The following MALRD1 variants were observed in gnomAD, a reference collection of about 807,000 sequenced individuals.
The protein encoded by MALRD1 is MAM and LDL receptor class A domain containing 1, also known as MAM and LDL-receptor class A domain-containing protein 1.
A neutral mutation model predicts 242.1 loss-of-function variants in MALRD1; 247 were observed. The ratio of observed to expected loss-of-function variants is 1.02; its 90% CI spans 0.92 to 1.13. The LOEUF (loss-of-function observed/expected upper bound fraction) is 1.13. Among genes scored for constraint, MALRD1 ranks in the 50% most tolerant of loss-of-function variants. The pLI, the probability that MALRD1 is intolerant of heterozygous loss-of-function variation, is 0.00. For synonymous variants in MALRD1, 995 were observed against 866.6 expected, an observed-to-expected ratio of 1.15 and a Z score of -2.60; for missense variants, 2,989 against 2,533.1, an observed-to-expected ratio of 1.18 and a Z score of -3.86.
At chr10:19,129,459 A>G (rs1466734719) in intron 8 of MALRD1, among the ~76,000 whole-genome samples, 1 of 152,092 alleles carries the variant, frequency 6.6e-6, no homozygotes, top group Non-Finnish European at 1.5e-5. Context: ...TGCGTTCAGC[A>G]ATCTAGAAGC....
chr10:19,177,834 T>C (rs1404157434), intron 14 of MALRD1, among the ~76,000 whole-genome samples: 2 of 152,088 alleles, frequency 1.3e-5, no homozygotes, highest in Admixed American at 1.3e-4. Context: ...CCTTGACTCC[T>C]TTGTGTAGAA....
Position 19,209,520 on chromosome 10 carries a change from G to T in MALRD1, c.2831G>T (p.Arg944Leu). The change falls in exon 18 of 40, where the codon CGC becomes CTC. Residue 944 changes from arginine (R) to leucine (L), a missense_variant. By Grantham distance (102) the Arg-to-Leu change is moderately radical (BLOSUM62 -2). Transcript: ENST00000454679. ...ACTGATACAAAAGGCTGCACCTTCC[G>T]CTTCTATTACCACATGTTTGGAAAG... ...NATDTKGCTF[R>L]FYYHMFGKRI... 1 of 1,550,688 alleles carries T rather than the reference G, an allele frequency of 6.4e-7. No individual in the cohort carries two copies. The highest frequency in any genetic ancestry group is 8.7e-7 in the Non-Finnish European group (1 of 1,147,018).
intron 18 of MALRD1, among the ~76,000 whole-genome samples, chr10:19,216,693 C>A (rs1837329105): frequency 6.6e-6 from 1 of 150,718 alleles, no homozygotes; most frequent in South Asian, 2.1e-4. Flanking sequence ...CGCCTGTAAT[C>A]CCAGCACTTT....
At chr10:19,080,711 G>A (rs1198531599) in intron 2 of MALRD1, among the ~76,000 whole-genome samples, 1 of 151,780 alleles carries the variant, frequency 6.6e-6, no homozygotes, top group Non-Finnish European at 1.5e-5. Flanking sequence ...GACACAAGCA[G>A]AGATTTCATG....
intron 21 of MALRD1, chr10:19,290,203 C>G (rs1438478847): frequency 2.6e-5 from 4 of 152,140 alleles, no homozygotes; most frequent in African/African-American, 9.7e-5. Flanking sequence ...CTTGGTACAT[C>G]AGAAGTGAAC....
At chr10:19,454,301 A>T (rs1835500586) in intron 29 of MALRD1, among the ~76,000 whole-genome samples, 1 of 151,032 alleles carries the variant, frequency 6.6e-6, no homozygotes, top group Non-Finnish European at 1.5e-5. Context: ...TATAAGGGGG[A>T]AGGCAGGAAA....
At chr10:19,143,569 A>T (rs1008646334) in intron 10 of MALRD1, among the ~76,000 whole-genome samples, 8 of 152,188 alleles carry the variant, frequency 5.3e-5, no homozygotes, top group African/African-American at 1.9e-4. Flanking sequence ...TTATACTAGG[A>T]CAACAGGCAT....
rs117512098 is a variant in MALRD1 at position 19,541,156 on chromosome 10, A to G, written c.5478+9805A>G. On this transcript the variant is annotated intron_variant, in intron 32 of 39. Transcript: ENST00000454679. ...CTCTAAATTTATTCATTTTCAAAGT[A>G]TATTTTAACTAATTTTCTAGACTAA... Among the ~76,000 whole-genome samples, 412 of 152,334 alleles carry G rather than the reference A, an allele frequency of 2.7e-3. 7 individuals are homozygous for G. The East Asian group carries it at 0.058, about 21-fold the overall frequency.
At chr10:19,220,045 C>A (rs939063753) in intron 18 of MALRD1, among the ~76,000 whole-genome samples, 5 of 152,090 alleles carry the variant, frequency 3.3e-5, no homozygotes, top group African/African-American at 1.2e-4. Flanking sequence ...GGATAATTTT[C>A]ATTGTTTTAT....
intron 33 of MALRD1, among the ~76,000 whole-genome samples, chr10:19,588,383 G>A (rs1193294210): frequency 6.6e-6 from 1 of 152,088 alleles, no homozygotes; most frequent in Admixed American, 6.6e-5. Context: ...ACTCTTTTGG[G>A]CATTAGGATG....
intron 14 of MALRD1, among the ~76,000 whole-genome samples, chr10:19,194,779 A>G (rs967931774): frequency 6.6e-5 from 10 of 151,960 alleles, no homozygotes; most frequent in Non-Finnish European, 1.3e-4. Flanking sequence ...TCTCCTCCAA[A>G]ATTTACTTAA....
intron 11 of MALRD1, among the ~76,000 whole-genome samples, chr10:19,149,729 C>T (rs969033596): frequency 1.3e-5 from 2 of 151,956 alleles, no homozygotes; most frequent in African/African-American, 4.8e-5. Flanking sequence ...TTTTAGTGTA[C>T]AGTTCACTGA....
intron 33 of MALRD1, among the ~76,000 whole-genome samples, chr10:19,585,644 T>C (rs1827548750): frequency 6.6e-6 from 1 of 152,198 alleles, no homozygotes; most frequent in African/African-American, 2.4e-5. Context: ...CCTTTCTTTC[T>C]GGCTGCCCTT....
intron 23 of MALRD1, among the ~76,000 whole-genome samples, chr10:19,330,932 G>A (rs1244099794): frequency 6.6e-6 from 1 of 151,770 alleles, no homozygotes; most frequent in African/African-American, 2.4e-5. Context: ...GAGATCTGAT[G>A]AATGACAAGA....
chr10:19,723,421 T>TA (rs771954963), intron 38 of MALRD1, among the ~76,000 whole-genome samples: 40 of 151,976 alleles, frequency 2.6e-4, no homozygotes, highest in Non-Finnish European at 4.0e-4. Context: ...CCCTTTCACT[T>TA]AAAAAAATCT....
intron 36 of MALRD1, among the ~76,000 whole-genome samples, chr10:19,618,900 G>A (rs144842206): frequency 3.3e-5 from 5 of 152,066 alleles, no homozygotes; most frequent in Admixed American, 6.6e-5. Context: ...ATATTGGGAC[G>A]TTAGACGATG....
rs142782663 is a variant in MALRD1, at chr10:19,060,078, C to T, written c.200-6641C>T. On this transcript the variant is annotated intron_variant, in intron 1 of 39. Coordinates refer to ENST00000454679, the MANE Select transcript of MALRD1 (RefSeq NM_001142308.3). ...AGTTCAGAGTCTGGCACTTTTTCTT[C>T]CCCATCACAACTGCCCATCTGGGTG... Among the ~76,000 whole-genome samples the T allele has an allele frequency of 6.0e-3, 915 of 152,206 alleles. 8 individuals are homozygous for T. The highest frequency in any genetic ancestry group is 0.021 in the African/African-American group (881 of 41,534).
At chr10:19,249,143 A>G (rs779732011) in intron 18 of MALRD1, among the ~76,000 whole-genome samples, 42 of 151,514 alleles carry the variant, frequency 2.8e-4, no homozygotes, top group Non-Finnish European at 4.3e-4. Flanking sequence ...AACAAATGAA[A>G]TTGATATTAC....
intron 22 of MALRD1, 61 bp from the exon 23 acceptor site, chr10:19,327,502 C>T (rs986542448): frequency 7.8e-7 from 1 of 1,288,474 alleles, no homozygotes; most frequent in African/African-American, 1.5e-5. Flanking sequence ...AAGAATTCTA[C>T]ATGTTTGCAA....
Sources: gnomAD v4.1 joint callset for allele counts (sites outside exome capture counted in the v4.1 genomes callset) on GRCh38, gnomAD v4.1.1 for gene constraint, MANE v1.5 for transcripts, NCBI Gene and HGNC (gene_info 2026-07-23, HGNC 2026-07-21) for gene names.